IPO11: variants seen among roughly 807,000 people sequenced by gnomAD.
The protein encoded by IPO11 is importin 11.
A neutral mutation model predicts 143.2 loss-of-function variants in IPO11; 66 were observed. That is an observed-to-expected ratio of 0.46 (90% CI 0.38 to 0.57). The LOEUF is 0.57. Ranked by LOEUF, IPO11 falls within the 20% of genes least tolerant of loss-of-function variation. IPO11 has a pLI of 0.00. For synonymous variants in IPO11, 385 were observed against 377.8 expected, an observed-to-expected ratio of 1.02 and a Z score of -0.22; for missense variants, 1,026 against 1,141.0, an observed-to-expected ratio of 0.90 and a Z score of 1.45.
chr5:62,585,468 T>C (rs1159741430), intron 27 of IPO11, among the ~76,000 whole-genome samples: 4 of 152,084 alleles, frequency 2.6e-5, no homozygotes, highest in African/African-American at 9.7e-5. Flanking sequence ...AACTAGAAAG[T>C]GTTAATCAAA....
chr5:62,536,618 A>G, intron 22 of IPO11, 84 bp from the exon 23 acceptor site: 1 of 1,468,276 alleles, frequency 6.8e-7, no homozygotes, highest in Non-Finnish European at 9.1e-7. Flanking sequence ...AATTAGTTTT[A>G]AATAACTATG....
intron 1 of IPO11, among the ~76,000 whole-genome samples, chr5:62,427,136 C>T (rs557114426): frequency 1.0e-3 from 158 of 151,752 alleles, no homozygotes; most frequent in African/African-American, 3.6e-3. Context: ...GACAGAGTTC[C>T]ACCACATTGA....
chr5:62,598,517 T>C (rs1745353869), intron 28 of IPO11, among the ~76,000 whole-genome samples: 3 of 7,358 alleles, frequency 4.1e-4, no homozygotes, highest in African/African-American at 3.7e-3. Context: ...TTTCTTTCTT[T>C]CTTTCTTTCT....
At chr5:62,573,867 C>G (rs1023328265) in intron 27 of IPO11, among the ~76,000 whole-genome samples, 3 of 152,176 alleles carry the variant, frequency 2.0e-5, no homozygotes, top group Admixed American at 6.5e-5. Context: ...GGGTGGTCTT[C>G]AGCACTGGTG....
At chr5:62,606,506 A>T (rs906273803) in intron 29 of IPO11, among the ~76,000 whole-genome samples, 1 of 147,922 alleles carries the variant, frequency 6.8e-6, no homozygotes, top group East Asian at 2.0e-4. Flanking sequence ...AAAAAAAAAA[A>T]GGAGAACCCT....
At chr5:62,598,430 TTCTCTCTC>T (rs1323743350) in intron 28 of IPO11, among the ~76,000 whole-genome samples, 2 of 7,170 alleles carry the variant, frequency 2.8e-4, no homozygotes, top group East Asian at 2.6e-3. Flanking sequence ...CTTTCTTTCT[TTCTCTCTC>T]TCTCTCTCTC....
chr5:62,592,916 G>C (rs974323993), intron 28 of IPO11, among the ~76,000 whole-genome samples: 7 of 152,106 alleles, frequency 4.6e-5, no homozygotes, highest in African/African-American at 1.4e-4. Context: ...ATGAGATTTG[G>C]GTGGGGACAC....
chr5:62,561,870 C>A (rs1035459715), intron 27 of IPO11: 1 of 152,170 alleles, frequency 6.6e-6, no homozygotes. Context: ...AGTTCTCATT[C>A]ATGCTGTGTA....
intron 1 of IPO11, among the ~76,000 whole-genome samples, chr5:62,414,303 A>G (rs538655375): frequency 6.6e-6 from 1 of 152,330 alleles, no homozygotes; most frequent in South Asian, 2.1e-4. Context: ...TTCCAGAAAC[A>G]AAATTTTTTT....
At chr5:62,432,700 G>A (rs1744036364) in intron 1 of IPO11, among the ~76,000 whole-genome samples, 1 of 152,186 alleles carries the variant, frequency 6.6e-6, no homozygotes, top group Non-Finnish European at 1.5e-5. Context: ...GGTCTGTGGA[G>A]CTACTTATGT....
chr5:62,494,190 C>T, intron 16 of IPO11, 66 bp downstream of exon 16: 1 of 1,416,380 alleles, frequency 7.1e-7, no homozygotes, highest in Non-Finnish European at 9.6e-7. Flanking sequence ...TCATCAAGTT[C>T]ACAACAGTTT....
At chr5:62,521,928 G>C (rs958656850) in intron 20 of IPO11, among the ~76,000 whole-genome samples, 1 of 151,976 alleles carries the variant, frequency 6.6e-6, no homozygotes, top group African/African-American at 2.4e-5. Flanking sequence ...CTTTAATGCA[G>C]TGTTTTAATT....
chr5:62,565,872 A>G (rs371443912), intron 27 of IPO11, among the ~76,000 whole-genome samples: 4 of 151,366 alleles, frequency 2.6e-5, no homozygotes, highest in African/African-American at 9.7e-5. Flanking sequence ...GAGTGAGAGC[A>G]TGCAGTGCTT....
chr5:62,529,630 A>G (rs1742478260), intron 21 of IPO11, among the ~76,000 whole-genome samples: 1 of 152,146 alleles, frequency 6.6e-6, no homozygotes, highest in Non-Finnish European at 1.5e-5. Flanking sequence ...TATTCTTTGT[A>G]TGTTTGAACA....
At chr5:62,441,012 A>C (rs1203631225) in intron 2 of IPO11, among the ~76,000 whole-genome samples, 1 of 152,060 alleles carries the variant, frequency 6.6e-6, no homozygotes, top group African/African-American at 2.4e-5. Flanking sequence ...ACATACTTCC[A>C]CATCATTTTT....
chr5:62,573,229 T>C (rs1744203617), intron 27 of IPO11, among the ~76,000 whole-genome samples: 1 of 152,134 alleles, frequency 6.6e-6, no homozygotes, highest in Non-Finnish European at 1.5e-5. Flanking sequence ...TTTTTATCCA[T>C]TGTATGAGGG....
Position 62,451,715 on chromosome 5 carries a change from A to T in IPO11, c.313-15A>T. 1.9e-6 allele frequency: 3 copies of T among 1,608,984 alleles called. No individual in the cohort carries two copies. The highest frequency in any genetic ancestry group is 1.1e-5 in the South Asian group (1 of 90,794). On this transcript the variant is annotated splice_polypyrimidine_tract_variant and intron_variant, in intron 4 of 29. Coordinates refer to ENST00000325324, the MANE Select transcript of IPO11 (RefSeq NM_016338.5). ...CTATTGCCTTGATTCCATTTGTTTA[A>T]TTTTTTCCTTTCAGATTGCAACTCA...
At chr5:62,604,941 T>TAGAA (rs1745649313) in intron 29 of IPO11, among the ~76,000 whole-genome samples, 1 of 152,264 alleles carries the variant, frequency 6.6e-6, no homozygotes, top group Admixed American at 6.5e-5. Context: ...AATGTATTTT[T>TAGAA]TCAGTAATTA....
chr5:62,507,356 G>T (rs1741588154), intron 19 of IPO11, among the ~76,000 whole-genome samples: 1 of 152,160 alleles, frequency 6.6e-6, no homozygotes, highest in African/African-American at 2.4e-5. Context: ...AGTACTTGGT[G>T]TTCTTAATAC....
Sources: gnomAD v4.1 joint callset for allele counts (sites outside exome capture counted in the v4.1 genomes callset) on GRCh38, gnomAD v4.1.1 for gene constraint, MANE v1.5 for transcripts, NCBI Gene and HGNC (gene_info 2026-07-23, HGNC 2026-07-21) for gene names.